Variants in SYT1 observed in about 807,000 individuals in gnomAD.
The protein encoded by SYT1 is synaptotagmin-1.
In SYT1, 8 loss-of-function variants were observed where a neutral mutation model predicts 44.8. That is an observed-to-expected ratio of 0.18 (90% CI 0.10 to 0.32). SYT1 has a LOEUF of 0.32. Among genes scored for constraint, SYT1 ranks in the 10% least tolerant of loss-of-function variants. The probability of loss-of-function intolerance (pLI) is 1.00; values close to 1 mark genes in which losing one functional copy is unlikely to be tolerated. For missense variants in SYT1, 286 were observed against 509.3 expected, an observed-to-expected ratio of 0.56 and a Z score of 4.22; for synonymous variants, 154 against 188.8, an observed-to-expected ratio of 0.82 and a Z score of 1.51.
At chr12:79,169,400 A>T (rs896184783) in intron 3 of SYT1, among the ~76,000 whole-genome samples, 2 of 151,358 alleles carry the variant, frequency 1.3e-5, no homozygotes, top group East Asian at 3.9e-4. Context: ...TCTAGAAAGA[A>T]TGTAAGAACT....
intron 1 of SYT1, among the ~76,000 whole-genome samples, chr12:78,907,327 T>C (rs1876047423): frequency 6.6e-6 from 1 of 152,040 alleles, no homozygotes; most frequent in African/African-American, 2.4e-5. Context: ...AGCTTGATAA[T>C]ATTATCATAA....
chr12:79,239,621 C>T (rs772702108), intron 4 of SYT1, among the ~76,000 whole-genome samples: 19 of 152,154 alleles, frequency 1.2e-4, no homozygotes, highest in Admixed American at 2.6e-4. Flanking sequence ...TTGTTAAAAA[C>T]ATTTGCTACA....
intron 4 of SYT1, among the ~76,000 whole-genome samples, chr12:79,259,611 G>C (rs1310712697): frequency 9.9e-5 from 15 of 152,154 alleles, no homozygotes; most frequent in Admixed American, 8.5e-4. Context: ...TCATGCACCT[G>C]TGGTCCCAGC....
chr12:79,172,099 T>G (rs1207448282), intron 3 of SYT1, among the ~76,000 whole-genome samples: 1 of 151,958 alleles, frequency 6.6e-6, no homozygotes, highest in Non-Finnish European at 1.5e-5. Flanking sequence ...ATTTTCCAAG[T>G]GCCTAAGTAA....
At chr12:79,083,777 G>A (rs1435603269) in intron 3 of SYT1, among the ~76,000 whole-genome samples, 3 of 152,100 alleles carry the variant, frequency 2.0e-5, no homozygotes, top group Non-Finnish European at 4.4e-5. Flanking sequence ...AAGGAAGGGA[G>A]GGCAAAATAA....
chr12:78,913,485 C>A (rs1234483181), intron 1 of SYT1, among the ~76,000 whole-genome samples: 1 of 151,564 alleles, frequency 6.6e-6, no homozygotes, highest in Non-Finnish European at 1.5e-5. Context: ...ATTTAAAATC[C>A]ATACATGCTT....
At chr12:79,160,078 G>T (rs1205307419) in intron 3 of SYT1, among the ~76,000 whole-genome samples, 1 of 152,130 alleles carries the variant, frequency 6.6e-6, no homozygotes, top group African/African-American at 2.4e-5. Context: ...GGGAAGAAAT[G>T]ATCATGTTTT....
rs571104813 is a variant in SYT1, at chr12:79,426,243, G to C, written c.929-17830G>C. Among the ~76,000 whole-genome samples, 4 of 152,166 alleles carry C rather than the reference G, an allele frequency of 2.6e-5. 1 individual carries two copies. In the South Asian group the frequency reaches 8.3e-4, roughly 32 times the overall value. ...AATGGATTTGGAAGGCAAATCATGA[G>C]CTTGCTTTAGAGTATTTCCTCTTTG... On this transcript the variant is annotated intron_variant, in intron 9 of 10. Coordinates refer to ENST00000261205, the MANE Select transcript of SYT1 (RefSeq NM_005639.3).
At chr12:79,394,695 A>G (rs940370123) in intron 9 of SYT1, among the ~76,000 whole-genome samples, 4 of 152,212 alleles carry the variant, frequency 2.6e-5, no homozygotes, top group Admixed American at 2.0e-4. Context: ...GCTCACATCA[A>G]TAAAATATAA....
intron 1 of SYT1, among the ~76,000 whole-genome samples, chr12:78,931,995 A>T (rs1877784773): frequency 6.8e-6 from 1 of 148,046 alleles, no homozygotes; most frequent in Non-Finnish European, 1.5e-5. Context: ...AGATGAGCAC[A>T]TCTGAGTCTG....
chr12:79,297,695 T>C (rs1879940607), intron 7 of SYT1, among the ~76,000 whole-genome samples: 1 of 152,148 alleles, frequency 6.6e-6, no homozygotes, highest in Non-Finnish European at 1.5e-5. Flanking sequence ...TATATTCTGC[T>C]ATATTAAAAA....
chr12:78,950,960 A>C (rs938481787), intron 1 of SYT1, among the ~76,000 whole-genome samples: 16 of 152,068 alleles, frequency 1.1e-4, no homozygotes, highest in Non-Finnish European at 1.9e-4. Context: ...CTACATTTTA[A>C]ATACAAATTG....
chr12:78,971,291 A>T (rs960095990), intron 1 of SYT1, among the ~76,000 whole-genome samples: 11 of 152,348 alleles, frequency 7.2e-5, no homozygotes, highest in African/African-American at 2.6e-4. Flanking sequence ...TGAATAATTT[A>T]AAAATAAAAT....
At chr12:79,190,355 C>T (rs2138446369) in intron 3 of SYT1, among the ~76,000 whole-genome samples, 1 of 152,016 alleles carries the variant, frequency 6.6e-6, no homozygotes, top group East Asian at 1.9e-4. Flanking sequence ...GAGATTTGGC[C>T]TGGAATTCAC....
chr12:79,011,758 T>C (rs1056285519), intron 2 of SYT1, among the ~76,000 whole-genome samples: 1 of 151,564 alleles, frequency 6.6e-6, no homozygotes, highest in Admixed American at 6.6e-5. Context: ...TTTTATAAGC[T>C]CCCTGGGTGT....
chr12:79,113,515 A>T (rs1046202494), intron 3 of SYT1, among the ~76,000 whole-genome samples: 4 of 152,046 alleles, frequency 2.6e-5, no homozygotes, highest in Non-Finnish European at 5.9e-5. Flanking sequence ...AAATTTGTGT[A>T]TTTTTTTCTT....
intron 4 of SYT1, among the ~76,000 whole-genome samples, chr12:79,254,089 AAAC>A (rs965654711): frequency 6.6e-6 from 1 of 152,216 alleles, no homozygotes; most frequent in African/African-American, 2.4e-5. Context: ...TGGCCACACT[AAAC>A]AACATGTCTT....
chr12:79,122,906 C>T (rs1321026105), intron 3 of SYT1, among the ~76,000 whole-genome samples: 1 of 152,054 alleles, frequency 6.6e-6, no homozygotes, highest in Non-Finnish European at 1.5e-5. Flanking sequence ...ATGATGACAC[C>T]TTCTAAGTAA....
chr12:79,402,607 G>T (rs1479870286), intron 9 of SYT1, among the ~76,000 whole-genome samples: 1 of 152,096 alleles, frequency 6.6e-6, no homozygotes, highest in Non-Finnish European at 1.5e-5. Context: ...GAAAAAAACT[G>T]CAACAAAAGA....
Sources: allele counts gnomAD v4.1 joint callset (sites outside exome capture counted in the v4.1 genomes callset), GRCh38; gene constraint gnomAD v4.1.1; transcripts MANE v1.5; gene names NCBI Gene and HGNC (gene_info 2026-07-23, HGNC 2026-07-21).